Variants in PLG observed in about 807,000 individuals in gnomAD.
PLG encodes the protein plasmin.
In PLG, 41 loss-of-function variants were observed where a neutral mutation model predicts 104.4. The ratio of observed to expected loss-of-function variants is 0.39; its 90% CI spans 0.31 to 0.51. The LOEUF is 0.51. PLG is among the 20% of genes least tolerant of loss of function. The pLI is 0.76. For missense variants in PLG, 891 were observed against 1,003.6 expected, an observed-to-expected ratio of 0.89 and a Z score of 1.52; for synonymous variants, 337 against 357.1, an observed-to-expected ratio of 0.94 and a Z score of 0.63.
chr6:160,706,198 G>C lies in PLG; in HGVS notation c.50-209G>C, dbSNP rs1777519106. ...TCTCCCTTCTCTGGTAGTCCCCAGT[G>C]TCTTTAGTTGCCATCTTTATTTATG... On this transcript the variant is annotated intron_variant, in intron 1 of 18. Coordinates refer to ENST00000308192, the MANE Select transcript of PLG (RefSeq NM_000301.5). 6 of 637,866 alleles carry C rather than the reference G, an allele frequency of 9.4e-6. No homozygotes were observed. In the South Asian group the frequency reaches 1.2e-4, roughly 12 times the overall value. 39.5% of individuals were successfully genotyped at this position (637,866 alleles called of 1,614,324 possible).
rs1332734296 is a variant in PLG at position 160,735,841 on chromosome 6, G to T, written c.1682-1046G>T. Among the ~76,000 whole-genome samples, 1 of 152,174 alleles carries T rather than the reference G, an allele frequency of 6.6e-6. No individual in the cohort carries two copies. ...CTACTGTATGTAAGGCATACTAGCAGAAATTGAGCTCAGCACTAGAGAAGA... is the reference window on the plus strand; with the variant it reads ...CTACTGTATGTAAGGCATACTAGCATAAATTGAGCTCAGCACTAGAGAAGA... On this transcript the variant is annotated intron_variant, in intron 13 of 18. Transcript: ENST00000308192. This position sits in a 1 kb window ranked among gnomAD's most constrained non-coding sequence, Gnocchi z 5.4.
At chr6:160,711,237 T>A in intron 4 of PLG, 46 bp downstream of exon 4, 1 of 1,573,626 alleles carries the variant, frequency 6.4e-7, no homozygotes, top group Non-Finnish European at 8.7e-7. Flanking sequence ...TGTAAAGTTG[T>A]CCCTCTGTGT....
intron 3 of PLG, among the ~76,000 whole-genome samples, chr6:160,709,387 A>T (rs868681564): frequency 6.6e-6 from 1 of 152,164 alleles, no homozygotes; most frequent in Non-Finnish European, 1.5e-5. Flanking sequence ...AGCTGTACAC[A>T]TGATCTCTAA....
In PLG at chr6:160,739,509, G is replaced by A. The variant is rs4252157; in HGVS notation, c.2018+301G>A. Among the ~76,000 whole-genome samples, 5,206 of 152,200 alleles carry A rather than the reference G, an allele frequency of 0.034. 295 individuals carry two copies. The highest frequency in any genetic ancestry group is 0.11 in the African/African-American group (4,749 of 41,520). ...TCATACACATTCATGATCAGAGAAC[G>A]ATTCAGTTATTCCAGGCTGACAATT... is the stretch of plus-strand genomic sequence containing the variant. On this transcript the variant is annotated intron_variant, in intron 16 of 18. Transcript: ENST00000308192. This position sits in a 1 kb window ranked among gnomAD's most constrained non-coding sequence, Gnocchi z 4.4.
At chr6:160,742,950 A>G (rs932482368) in intron 17 of PLG, among the ~76,000 whole-genome samples, 5 of 150,260 alleles carry the variant, frequency 3.3e-5, no homozygotes, top group Non-Finnish European at 7.4e-5. Flanking sequence ...TAAAAATCAG[A>G]TGTCTGTAGG....
intron 8 of PLG, 108 bp from the exon 9 acceptor site, chr6:160,718,585 A>G: frequency 7.2e-7 from 1 of 1,384,142 alleles, no homozygotes; most frequent in South Asian, 1.2e-5. Flanking sequence ...TCATAAGTAA[A>G]GGAAATGAAC....
At position 160,739,432 on chromosome 6, in the gene PLG, A is replaced by G. The variant is rs766347432; in HGVS notation, c.2018+224A>G. On this transcript the variant is annotated intron_variant, in intron 16 of 18. Coordinates refer to ENST00000308192, the MANE Select transcript of PLG (RefSeq NM_000301.5). The surrounding 1 kb of genome is among the most constrained non-coding windows in gnomAD (Gnocchi z 4.4). Reference sequence around the variant, plus strand: ...ACTCCGTTTTCTCATGTGGAAAAAGAGTTGAAATGAGGTACTCTGTTACTC... The same window carrying G: ...ACTCCGTTTTCTCATGTGGAAAAAGGGTTGAAATGAGGTACTCTGTTACTC... 6.6e-6 allele frequency among the ~76,000 whole-genome samples: 1 copy of G among 152,174 alleles called. No individual in the cohort carries two copies. The highest frequency in any genetic ancestry group is 1.5e-5 in the Non-Finnish European group (1 of 68,038).
Position 160,706,562 on chromosome 6 carries a change from A to G in PLG, c.185+20A>G, listed in dbSNP as rs765142109. On this transcript the variant is annotated intron_variant, in intron 2 of 18. Transcript: ENST00000308192. The stretch of plus-strand genomic sequence containing the variant: ...CTGCAGGTATTTCCATTGTCGTTGC[A>G]CCTACGCAGGAATCTGTAATTCAGA... The G allele has an allele frequency of 1.6e-5, 26 of 1,610,138 alleles. No homozygotes were observed. Among genetic ancestry groups the G allele is most frequent in the Non-Finnish European group, 2.2e-5 (26 of 1,176,876 alleles).
At chr6:160,746,102 T>A (rs1213764110) in intron 17 of PLG, among the ~76,000 whole-genome samples, 2 of 152,220 alleles carry the variant, frequency 1.3e-5, no homozygotes, top group Non-Finnish European at 2.9e-5. Flanking sequence ...TGATTATGTG[T>A]CTTGAGGATG....
chr6:160,730,133 G>C (rs79337140), intron 10 of PLG, among the ~76,000 whole-genome samples: 2 of 152,180 alleles, frequency 1.3e-5, no homozygotes, highest in African/African-American at 2.4e-5. Flanking sequence ...GGAGGCATGA[G>C]GGGGAGCACA....
rs185986118 is a variant in PLG at position 160,737,992 on chromosome 6, C to T, written c.1803-546C>T. ...TTTAAATTTGGTTCCAAATGGCTCACACCATTATTCTGAGCTATTACCTGC... is the reference window on the plus strand; with the variant it reads ...TTTAAATTTGGTTCCAAATGGCTCATACCATTATTCTGAGCTATTACCTGC... On this transcript the variant is annotated intron_variant, in intron 14 of 18. Coordinates refer to ENST00000308192, the MANE Select transcript of PLG (RefSeq NM_000301.5). This position sits in a 1 kb window ranked among gnomAD's most constrained non-coding sequence, Gnocchi z 4.7. 4.2e-4 allele frequency among the ~76,000 whole-genome samples: 64 copies of T among 152,152 alleles called. No homozygotes were observed. Among genetic ancestry groups the T allele is most frequent in the Non-Finnish European group, 5.9e-4 (40 of 68,018 alleles).
In PLG at chr6:160,706,595, T is replaced by A. The variant is rs746900961; in HGVS notation, c.185+53T>A. ...AGGAATCTGTAATTCAGATGGCAAGTAATTTACTCACAAATTTATTAATGA... is the reference window on the plus strand; with the variant it reads ...AGGAATCTGTAATTCAGATGGCAAGAAATTTACTCACAAATTTATTAATGA... On this transcript the variant is annotated intron_variant, in intron 2 of 18. Coordinates refer to ENST00000308192, the MANE Select transcript of PLG (RefSeq NM_000301.5). 3 of 1,526,632 alleles carry A rather than the reference T, an allele frequency of 2.0e-6. No individual in the cohort carries two copies. In the South Asian group the frequency reaches 3.4e-5, roughly 17 times the overall value. 94.6% of individuals were successfully genotyped at this position (1,526,632 alleles called of 1,614,324 possible).
chr6:160,747,690 T>G (rs1000917760), intron 17 of PLG, among the ~76,000 whole-genome samples: 3 of 152,222 alleles, frequency 2.0e-5, no homozygotes, highest in Non-Finnish European at 4.4e-5. Flanking sequence ...CAAAGTGGCT[T>G]TCCTTTTCCT....
intron 1 of PLG, among the ~76,000 whole-genome samples, chr6:160,702,659 G>T (rs1465723758): frequency 6.6e-6 from 1 of 152,184 alleles, no homozygotes; most frequent in Non-Finnish European, 1.5e-5. Context: ...GCAAAGGACG[G>T]CTAAGCTCTT....
chr6:160,738,543 G>A lies in PLG; in HGVS notation c.1808G>A (p.Gly603Glu). The stretch of plus-strand genomic sequence containing the variant: ...GAACTAAATCCTCTTTCCAGGTTTG[G>A]AATGCACTTCTGTGGAGGCACCTTG... ...PWQVSLRTRF[G>E]MHFCGGTLIS... Residue 603 changes from glycine (G) to glutamate (E), a missense_variant, in exon 15 of 19, where the codon GGA (glycine) becomes GAA (glutamate). Physicochemically the swap from Gly to Glu is moderately conservative, Grantham distance 98. This residue lies in a region of PLG where 854 missense variants were observed against 932.1 expected (regional missense o/e 0.92). Transcript: ENST00000308192. This position sits in a 1 kb window ranked among gnomAD's most constrained non-coding sequence, Gnocchi z 6.8. 1 of 1,601,724 alleles carries A rather than the reference G, an allele frequency of 6.2e-7. No homozygotes were observed.
In PLG at chr6:160,706,507, A is replaced by G. The variant is rs1240051216; in HGVS notation, c.150A>G (p.Ala50=). The G allele has an allele frequency of 1.2e-6, 2 of 1,613,930 alleles. No individual in the cohort carries two copies. Among genetic ancestry groups the G allele is most frequent in the Non-Finnish European group, 1.7e-6 (2 of 1,179,828 alleles). ...QLGAGSIEEC[A]AKCEEDEEFT... is the part of the protein sequence containing the mutation. The stretch of plus-strand genomic sequence containing the variant: ...GAGCAGGAAGTATAGAAGAATGTGC[A>G]GCAAAATGTGAGGAGGACGAAGAAT... Residue 50 remains alanine, a synonymous_variant, in exon 2 of 19, where the codon GCA becomes GCG. Transcript: ENST00000308192.
intron 9 of PLG, among the ~76,000 whole-genome samples, chr6:160,721,500 T>G (rs1444646089): frequency 6.6e-6 from 1 of 152,232 alleles, no homozygotes; most frequent in Non-Finnish European, 1.5e-5. Context: ...GCTGCTGCTA[T>G]CTTTTACTTA....
rs1778153255 is a variant in PLG at position 160,739,605 on chromosome 6, CA to C, written c.2018+399del. 6.6e-6 allele frequency among the ~76,000 whole-genome samples: 1 copy of C among 151,696 alleles called. No individual in the cohort carries two copies. The highest frequency in any genetic ancestry group is 2.4e-5 in the African/African-American group (1 of 41,314). On this transcript the variant is annotated intron_variant, in intron 16 of 18. Coordinates refer to ENST00000308192, the MANE Select transcript of PLG (RefSeq NM_000301.5). This position sits in a 1 kb window ranked among gnomAD's most constrained non-coding sequence, Gnocchi z 4.4. ...TTGTTTCAAAGCACTTTAAAAACCA[CA>C]AGATCGAGTTGGGTGTCTGGTGTGG... is the stretch of plus-strand genomic sequence containing the variant.
intron 1 of PLG, among the ~76,000 whole-genome samples, chr6:160,704,697 G>C (rs1331325593): frequency 1.3e-5 from 2 of 152,182 alleles, no homozygotes; most frequent in African/African-American, 4.8e-5. Context: ...GCCAACTCCT[G>C]CTCAATAATC....
Sources: gnomAD v4.1 joint callset for allele counts (sites outside exome capture counted in the v4.1 genomes callset) on GRCh38, gnomAD v4.1.1 for gene constraint, gnomAD v4.1.1 regional missense constraint, Gnocchi (gnomAD v3.1) non-coding constraint, MANE v1.5 for transcripts, NCBI Gene and HGNC (gene_info 2026-07-23, HGNC 2026-07-21) for gene names.